MSMO1: variants seen among roughly 807,000 people sequenced by gnomAD.
The protein encoded by MSMO1 is methylsterol monooxygenase 1, also known as C-4 methylsterol oxidase.
Under a neutral mutation model 30.4 loss-of-function variants are expected in MSMO1, and 18 were observed. That is an observed-to-expected ratio of 0.59 (90% CI 0.41 to 0.88). The LOEUF is 0.88. Ranked by LOEUF, MSMO1 falls within the 40% of genes least tolerant of loss-of-function variation. MSMO1 has a pLI of 0.00. For synonymous variants in MSMO1, 84 were observed against 107.9 expected, an observed-to-expected ratio of 0.78 and a Z score of 1.37; for missense variants, 284 against 340.5, an observed-to-expected ratio of 0.83 and a Z score of 1.31.
intron 1 of MSMO1, among the ~76,000 whole-genome samples, chr4:165,331,178 T>A (rs540154393): frequency 6.6e-6 from 1 of 151,960 alleles, no homozygotes; most frequent in African/African-American, 2.4e-5. Context: ...TGGTGGCATG[T>A]GCCTGTGGTC....
At chr4:165,337,109 A>G (rs1249673360) in intron 2 of MSMO1, among the ~76,000 whole-genome samples, 1 of 152,216 alleles carries the variant, frequency 6.6e-6, no homozygotes, top group Non-Finnish European at 1.5e-5. Context: ...GCACTTTTTT[A>G]AGTGCAGTCC....
At position 165,333,589 on chromosome 4, in the gene MSMO1, A is replaced by G. The variant is rs572385779; in HGVS notation, c.219A>G (p.Gln73=). 6.2e-7 allele frequency: 1 copy of G among 1,601,490 alleles called. No individual in the cohort carries two copies. The highest frequency in any genetic ancestry group is 1.1e-5 in the South Asian group (1 of 89,080). Residue 73 remains glutamine (Q), a synonymous_variant, in exon 2 of 6, where the codon CAA becomes CAG. Coordinates refer to ENST00000261507, the MANE Select transcript of MSMO1 (RefSeq NM_006745.5). ...FLFCLPGFLF[Q]FIPYMKKYKI... The stretch of plus-strand genomic sequence containing the variant: ...TCTGTTTACCTGGATTTTTATTTCA[A>G]TTTATACCTTATATGAAAAAATACA...
In MSMO1 at chr4:165,341,946, A is replaced by T. The variant is rs1301443493; in HGVS notation, c.882A>T (p.Ter294TyrextTer10). Reference sequence around the variant, plus strand: ...AGAAGTTTGAGAAAAAGACTGAATAAATATCTCACGTAAACCTTCCTGAAA... The same window carrying T: ...AGAAGTTTGAGAAAAAGACTGAATATATATCTCACGTAAACCTTCCTGAAA... ...KRKKFEKKTE[*>Y] The change falls in exon 6 of 6, where the codon TAA (stop) becomes TAT (tyrosine). Residue 294 changes from the stop codon to tyrosine, a stop_lost. Coordinates refer to ENST00000261507, the MANE Select transcript of MSMO1 (RefSeq NM_006745.5). The T allele has an allele frequency of 6.2e-7, 1 of 1,603,892 alleles. No homozygotes were observed. Among genetic ancestry groups the T allele is most frequent in the Admixed American group, 1.7e-5 (1 of 59,992 alleles).
chr4:165,333,341 A>G lies in MSMO1; in HGVS notation c.-30A>G, dbSNP rs1484521776. 6.2e-7 allele frequency: 1 copy of G among 1,609,710 alleles called. No individual in the cohort carries two copies. The highest frequency in any genetic ancestry group is 1.7e-5 in the Admixed American group (1 of 59,928). On this transcript the variant is annotated splice_region_variant and 5_prime_UTR_variant, in exon 2 of 6. Coordinates refer to ENST00000261507, the MANE Select transcript of MSMO1 (RefSeq NM_006745.5). ...TTATATATGTATTCATTTCTACAGA[A>G]TTATAAGGCTGTCTGCAGAGATTTG...
chr4:165,336,056 T>C (rs1747535562), intron 2 of MSMO1, among the ~76,000 whole-genome samples: 1 of 152,210 alleles, frequency 6.6e-6, no homozygotes, highest in Non-Finnish European at 1.5e-5. Flanking sequence ...AATAAATGTT[T>C]TTATTCTTAA....
intron 1 of MSMO1, among the ~76,000 whole-genome samples, chr4:165,330,842 A>T (rs1304144477): frequency 6.6e-6 from 1 of 152,176 alleles, no homozygotes; most frequent in Non-Finnish European, 1.5e-5. Flanking sequence ...TGCCCGCATC[A>T]GCCTCCCCAA....
chr4:165,337,573 A>G (rs895946485), intron 2 of MSMO1, among the ~76,000 whole-genome samples: 1 of 152,218 alleles, frequency 6.6e-6, no homozygotes, highest in Non-Finnish European at 1.5e-5. Flanking sequence ...TTTGTTTGAG[A>G]TCATCATGGC....
In MSMO1 at chr4:165,338,643, A is replaced by G. The variant is rs375675952; in HGVS notation, c.405-9A>G. ...ATTTCTTACACATTACAACATTTTT[A>G]TCTTAAAGGTATTTTCTTTTGGCAA... On this transcript the variant is annotated splice_polypyrimidine_tract_variant and intron_variant, in intron 3 of 5. Transcript: ENST00000261507. The G allele has an allele frequency of 1.9e-5, 31 of 1,605,420 alleles. No individual in the cohort carries two copies. The highest frequency in any genetic ancestry group is 3.3e-5 in the Admixed American group (2 of 59,964).
At chr4:165,331,690 A>G (rs1326867185) in intron 1 of MSMO1, among the ~76,000 whole-genome samples, 1 of 152,188 alleles carries the variant, frequency 6.6e-6, no homozygotes, top group African/African-American at 2.4e-5. Flanking sequence ...CACTATTTAG[A>G]ATGCTTCTGA....
At chr4:165,334,481 G>A (rs918927342) in intron 2 of MSMO1, among the ~76,000 whole-genome samples, 1 of 152,172 alleles carries the variant, frequency 6.6e-6, no homozygotes, top group Admixed American at 6.5e-5. Flanking sequence ...AATACACTAC[G>A]ACCTTGATCA....
At chr4:165,335,032 T>C (rs1173643648) in intron 2 of MSMO1, among the ~76,000 whole-genome samples, 2 of 152,150 alleles carry the variant, frequency 1.3e-5, no homozygotes, top group Admixed American at 1.3e-4. Flanking sequence ...TTTTATTAAG[T>C]ATTATAAGTG....
In MSMO1 at chr4:165,342,012, T is replaced by G; in HGVS notation, c.*66T>G. 8 of 1,324,996 alleles carry G rather than the reference T, an allele frequency of 6.0e-6. No individual in the cohort carries two copies. The highest frequency in any genetic ancestry group is 8.6e-6 in the Non-Finnish European group (8 of 927,334). The allele number at this position is 1,324,996 out of a possible 1,614,324, so 82.1% of individuals were successfully genotyped here. On this transcript the variant is annotated 3_prime_UTR_variant, in exon 6 of 6. Transcript: ENST00000261507. ...GAATTCAGAAACTAGTAGCTAACAT[T>G]GCTTCTGGAGAGCAGAAATAAGCAT...
Position 165,338,779 on chromosome 4 carries a change from G to A in MSMO1, c.531+1G>A. ...TCATAAAGTTCATCATGAGTTTCAGGTATGTGAGAGTTATATTTAATTCTT... is the reference window on the plus strand; with the variant it reads ...TCATAAAGTTCATCATGAGTTTCAGATATGTGAGAGTTATATTTAATTCTT... On this transcript the variant is annotated splice_donor_variant, in intron 4 of 5. Transcript: ENST00000261507. LOFTEE classifies it high-confidence loss of function. The A allele has an allele frequency of 3.8e-6, 6 of 1,580,486 alleles. No individual in the cohort carries two copies. The highest frequency in any genetic ancestry group is 5.2e-6 in the Non-Finnish European group (6 of 1,150,804).
Position 165,337,962 on chromosome 4 carries a change from T to C in MSMO1, c.404+25T>C, listed in dbSNP as rs777122313. ...GGTACGTAGATAAAAATTTGGCTTTTACACCCAATTGTGGCTTATTCAGTT... is the reference window on the plus strand; with the variant it reads ...GGTACGTAGATAAAAATTTGGCTTTCACACCCAATTGTGGCTTATTCAGTT... On this transcript the variant is annotated intron_variant, in intron 3 of 5. Coordinates refer to ENST00000261507, the MANE Select transcript of MSMO1 (RefSeq NM_006745.5). 95 of 1,608,080 alleles carry C rather than the reference T, an allele frequency of 5.9e-5. No individual in the cohort carries two copies. The South Asian group carries it at 8.2e-4, about 14-fold the overall frequency.
intron 1 of MSMO1, among the ~76,000 whole-genome samples, chr4:165,328,924 G>C (rs973444390): frequency 9.2e-5 from 14 of 152,316 alleles, no homozygotes; most frequent in African/African-American, 3.4e-4. Context: ...TAGTATTTGG[G>C]CGGGGGTTGT....
chr4:165,334,620 G>A (rs555086945), intron 2 of MSMO1, among the ~76,000 whole-genome samples: 8 of 152,302 alleles, frequency 5.3e-5, no homozygotes, highest in Admixed American at 4.6e-4. Context: ...TTGAGAGGTC[G>A]CTATGTACAT....
At position 165,340,231 on chromosome 4, in the gene MSMO1, G is replaced by A; in HGVS notation, c.542G>A (p.Gly181Glu). The change falls in exon 5 of 6, where the codon GGA becomes GAA. Residue 181 changes from glycine to glutamate, a missense_variant. Transcript: ENST00000261507. ...KVHHEFQAPF[G>E]MEAEYAHPLE... ...ATCTGTTTGTCTTAGGCTCCATTTG[G>A]AATGGAAGCTGAATATGCACATCCT... 3 of 1,613,684 alleles carry A rather than the reference G, an allele frequency of 1.9e-6. No homozygotes were observed. The highest frequency in any genetic ancestry group is 2.5e-6 in the Non-Finnish European group (3 of 1,179,856).
intron 2 of MSMO1, among the ~76,000 whole-genome samples, chr4:165,336,586 A>G (rs749621936): frequency 1.3e-5 from 2 of 152,210 alleles, no homozygotes; most frequent in Admixed American, 6.5e-5. Flanking sequence ...ACTATTGCCA[A>G]CTGAAGCCTG....
chr4:165,329,952 A>G (rs1250103511), intron 1 of MSMO1, among the ~76,000 whole-genome samples: 1 of 152,082 alleles, frequency 6.6e-6, no homozygotes, highest in African/African-American at 2.4e-5. Context: ...GATTTTAGTA[A>G]GAGTAAGTTC....
Sources: allele counts gnomAD v4.1 joint callset (sites outside exome capture counted in the v4.1 genomes callset), GRCh38; gene constraint gnomAD v4.1.1; transcripts MANE v1.5; gene names NCBI Gene and HGNC (gene_info 2026-07-23, HGNC 2026-07-21).